The following INPP5A variants were observed in gnomAD, a reference collection of about 807,000 sequenced individuals.
The protein encoded by INPP5A is inositol polyphosphate-5-phosphatase A, also known as 43 kDa inositol polyphosphate 5-phophatase.
Under a neutral mutation model 65.2 loss-of-function variants are expected in INPP5A, and 14 were observed. The ratio of observed to expected loss-of-function variants is 0.21; its 90% CI spans 0.14 to 0.34. The LOEUF is 0.34. Among genes scored for constraint, INPP5A ranks in the 10% least tolerant of loss-of-function variants. The pLI is 1.00. For synonymous variants in INPP5A, 207 were observed against 208.3 expected (o/e 0.99, Z 0.05); for missense variants, 431 against 545.6 (o/e 0.79, Z 2.09).
chr10:132,730,798 C>T (rs1177625084), intron 9 of INPP5A, among the ~76,000 whole-genome samples: 1 of 152,204 alleles, frequency 6.6e-6, no homozygotes, highest in Non-Finnish European at 1.5e-5. Flanking sequence ...CAAGCTGCCT[C>T]CCCTCTGCCC....
chr10:132,659,706 C>T lies in INPP5A; in HGVS notation c.306+9201C>T, dbSNP rs190891250. On this transcript the variant is annotated intron_variant, in intron 4 of 15. Coordinates refer to ENST00000368594, the MANE Select transcript of INPP5A (RefSeq NM_005539.5). The surrounding 1 kb of genome is among the most constrained non-coding windows in gnomAD (Gnocchi z 5.5). ...AGGGCCGGATCAGGAGAACAACCCA[C>T]TTGGCAGGCGGCAACCTTGCCTGGC... Among the ~76,000 whole-genome samples the T allele has an allele frequency of 3.7e-3, 568 of 152,366 alleles. 2 individuals carry two copies. The highest frequency in any genetic ancestry group is 0.013 in the African/African-American group (548 of 41,586).
chr10:132,777,696 C>A lies in INPP5A; in HGVS notation c.1003C>A (p.Gln335Lys). 6.2e-7 allele frequency: 1 copy of A among 1,612,980 alleles called. No individual in the cohort carries two copies. Among genetic ancestry groups the A allele is most frequent in the Non-Finnish European group, 8.5e-7 (1 of 1,179,988 alleles). ...CTACCCGTACAGTGAGGACGCCCGC[C>A]AGGGTGAGCAGTACATGAACACCCG... ...PSYPYSEDAR[Q>K]GEQYMNTRCP... Residue 335 changes from glutamine to lysine, a missense_variant, in exon 13 of 16, where the codon CAG becomes AAG. Coordinates refer to ENST00000368594, the MANE Select transcript of INPP5A (RefSeq NM_005539.5).
chr10:132,597,697 T>C (rs2071721829), intron 1 of INPP5A, among the ~76,000 whole-genome samples: 1 of 152,228 alleles, frequency 6.6e-6, no homozygotes, highest in South Asian at 2.1e-4. Flanking sequence ...TAGTGTGTGC[T>C]GCAGCGCTGT....
intron 2 of INPP5A, among the ~76,000 whole-genome samples, chr10:132,640,855 G>A (rs1381583717): frequency 4.6e-5 from 7 of 152,292 alleles, no homozygotes; most frequent in Admixed American, 2.0e-4. Flanking sequence ...CACAGTGTCC[G>A]TGGTCCTGTG....
chr10:132,538,087 C>T lies in INPP5A; in HGVS notation c.-10C>T, dbSNP rs763430676. 1.0e-5 allele frequency: 12 copies of T among 1,176,756 alleles called. No individual in the cohort carries two copies. The East Asian group carries it at 3.6e-4, about 36-fold the overall frequency. The allele number at this position is 1,176,756 out of a possible 1,614,324, so 72.9% of individuals were successfully genotyped here. A position where few individuals can be genotyped will look rare whatever the true frequency, so the allele number is the denominator to read the frequency against. ...GCCGCCCAGCCCAGCGCCCGCGCCG[C>T]CCGGGCACCATGGCGGGGAAGGCGG... On this transcript the variant is annotated 5_prime_UTR_variant, in exon 1 of 16. Transcript: ENST00000368594. The surrounding 1 kb of genome is among the most constrained non-coding windows in gnomAD (Gnocchi z 4.1).
chr10:132,721,908 G>A (rs1026558215), intron 8 of INPP5A, among the ~76,000 whole-genome samples: 3 of 152,302 alleles, frequency 2.0e-5, no homozygotes, highest in African/African-American at 7.2e-5. Flanking sequence ...AGAGCTCACA[G>A]TGGGTGGAGT....
At chr10:132,680,960 C>T (rs866977794) in intron 4 of INPP5A, among the ~76,000 whole-genome samples, 3 of 152,232 alleles carry the variant, frequency 2.0e-5, no homozygotes, top group East Asian at 1.9e-4. Flanking sequence ...CCTGTGCGGC[C>T]GGAGCCTCCC....
rs149027787 is a variant in INPP5A, at chr10:132,729,617, C to T, written c.732+2712C>T. On this transcript the variant is annotated intron_variant, in intron 9 of 15. Coordinates refer to ENST00000368594, the MANE Select transcript of INPP5A (RefSeq NM_005539.5). ...TCGCCCCCACCTGTACCCCGTCCTC[C>T]GTGTTCGTGTTAGGCTGTCGCTAAA... 3.1e-4 allele frequency among the ~76,000 whole-genome samples: 47 copies of T among 152,336 alleles called. No individual in the cohort carries two copies. The East Asian group carries it at 5.0e-3, about 16-fold the overall frequency.
chr10:132,778,282 A>AT (rs1258791183), intron 13 of INPP5A, among the ~76,000 whole-genome samples: 290 of 61,718 alleles, frequency 4.7e-3, no homozygotes, highest in African/African-American at 0.015. Flanking sequence ...ATTTCCTGTG[A>AT]TTTTTTTTTT....
rs1226080198 is a variant in INPP5A, at chr10:132,551,962, C to T, written c.75+13791C>T. Among the ~76,000 whole-genome samples, 1 of 152,258 alleles carries T rather than the reference C, an allele frequency of 6.6e-6. No homozygotes were observed. The highest frequency in any genetic ancestry group is 1.5e-5 in the Non-Finnish European group (1 of 68,050). On this transcript the variant is annotated intron_variant, in intron 1 of 15. Coordinates refer to ENST00000368594, the MANE Select transcript of INPP5A (RefSeq NM_005539.5). The surrounding 1 kb of genome is among the most constrained non-coding windows in gnomAD (Gnocchi z 5.3). ...GGGGTCCAGGTGTCCTCTGATTCTGCTGTGCTGAGTCTGTTGGTGGAGCAG... is the reference window on the plus strand; with the variant it reads ...GGGGTCCAGGTGTCCTCTGATTCTGTTGTGCTGAGTCTGTTGGTGGAGCAG...
intron 2 of INPP5A, among the ~76,000 whole-genome samples, chr10:132,623,429 C>A (rs574627967): frequency 6.8e-6 from 1 of 147,810 alleles, no homozygotes. Flanking sequence ...TGTGCAGGAA[C>A]AATAGGACAT....
At position 132,741,750 on chromosome 10, in the gene INPP5A, CGT is replaced by C. The variant is rs1339709740; in HGVS notation, c.733-7766_733-7765del. ...TCCGCTTGCTTTACTCAATAGCCGACGTAAACTGAGGTGGACGTCAGTGTCCG... is the reference window on the plus strand; with the variant it reads ...TCCGCTTGCTTTACTCAATAGCCGACAAACTGAGGTGGACGTCAGTGTCCG... On this transcript the variant is annotated intron_variant, in intron 9 of 15. Transcript: ENST00000368594. This position sits in a 1 kb window ranked among gnomAD's most constrained non-coding sequence, Gnocchi z 4.4. 8.4e-4 allele frequency among the ~76,000 whole-genome samples: 32 copies of C among 37,950 alleles called. No individual in the cohort carries two copies. Among genetic ancestry groups the C allele is most frequent in the Non-Finnish European group, 1.9e-3 (28 of 14,476 alleles). 24.9% of individuals were successfully genotyped at this position (37,950 alleles called of 152,430 possible). A position where few individuals can be genotyped will look rare whatever the true frequency, so the allele number is the denominator to read the frequency against.
chr10:132,740,163 A>G (rs1185319344), intron 9 of INPP5A, among the ~76,000 whole-genome samples: 2 of 152,238 alleles, frequency 1.3e-5, no homozygotes, highest in African/African-American at 2.4e-5. Flanking sequence ...ATGCTTCTCC[A>G]GGTGGATATC....
chr10:132,552,776 A>C (rs1387947517), intron 1 of INPP5A, among the ~76,000 whole-genome samples: 4 of 110,716 alleles, frequency 3.6e-5, no homozygotes, highest in Non-Finnish European at 5.5e-5. Context: ...GCCTTGGGGG[A>C]ATATTGGGTA....
At chr10:132,778,302 A>ATTTTTTT (rs57172206) in intron 13 of INPP5A, among the ~76,000 whole-genome samples, 2 of 72,960 alleles carry the variant, frequency 2.7e-5, no homozygotes, top group African/African-American at 7.9e-5. Context: ...TTTAATAATA[A>ATTTTTTT]TTTTTTTTTT....
chr10:132,696,949 C>A (rs1845354131), intron 5 of INPP5A, among the ~76,000 whole-genome samples: 1 of 152,230 alleles, frequency 6.6e-6, no homozygotes, highest in Non-Finnish European at 1.5e-5. Context: ...TCAGGTTGCC[C>A]CCTCTGTTCC....
chr10:132,623,292 A>C (rs1730160028), intron 2 of INPP5A, among the ~76,000 whole-genome samples: 1 of 152,238 alleles, frequency 6.6e-6, no homozygotes, highest in African/African-American at 2.4e-5. Flanking sequence ...TTGTAAAAGC[A>C]CAGAAATACA....
chr10:132,743,126 A>G (rs945958646), intron 9 of INPP5A, among the ~76,000 whole-genome samples: 2 of 152,222 alleles, frequency 1.3e-5, no homozygotes, highest in African/African-American at 4.8e-5. Context: ...TGTGTCTTCA[A>G]GGCCACCCAC....
intron 12 of INPP5A, among the ~76,000 whole-genome samples, chr10:132,772,613 C>T (rs1300506829): frequency 1.8e-5 from 2 of 113,824 alleles, no homozygotes; most frequent in East Asian, 2.8e-4. Flanking sequence ...ACAGAGGCCA[C>T]GGCAGCCACC....
Sources: gnomAD v4.1 joint callset for allele counts (sites outside exome capture counted in the v4.1 genomes callset) on GRCh38, gnomAD v4.1.1 for gene constraint, Gnocchi (gnomAD v3.1) non-coding constraint, MANE v1.5 for transcripts, NCBI Gene and HGNC (gene_info 2026-07-23, HGNC 2026-07-21) for gene names.